Variants in XKR3 observed in about 807,000 individuals in gnomAD.
XKR3 encodes XK related 3, also known as XK-related protein 3.
In XKR3, 27 loss-of-function variants were observed where a neutral mutation model predicts 40.3. The ratio of observed to expected loss-of-function variants is 0.67; its 90% CI spans 0.49 to 0.92. The LOEUF (loss-of-function observed/expected upper bound fraction) is 0.92. XKR3 is among the 40% of genes least tolerant of loss of function. The pLI, the probability that XKR3 is intolerant of heterozygous loss-of-function variation, is 0.00. For missense variants in XKR3, 472 were observed against 537.6 expected, an observed-to-expected ratio of 0.88 and a Z score of 1.21; for synonymous variants, 193 against 195.4, an observed-to-expected ratio of 0.99 and a Z score of 0.10.
intron 1 of XKR3, among the ~76,000 whole-genome samples, chr22:16,812,120 G>A (rs2050790283): frequency 6.6e-6 from 1 of 152,134 alleles, no homozygotes; most frequent in Non-Finnish European, 1.5e-5. Context: ...CCAACTACAT[G>A]GCCACTTCCT....
At chr22:16,787,748 A>G (rs1285785307) in intron 3 of XKR3, among the ~76,000 whole-genome samples, 1 of 152,060 alleles carries the variant, frequency 6.6e-6, no homozygotes, top group Non-Finnish European at 1.5e-5. Context: ...AAACCAACAA[A>G]TATCAAAGAC....
In XKR3 at chr22:16,819,226, T is replaced by C. The variant is rs545031094; in HGVS notation, c.-11+6065A>G. ...TTAATCTTCCCCAGCTTGATCTATA[T>C]ATTTGATGCAATTCCTATCAAAATC... On this transcript the variant is annotated intron_variant, in intron 1 of 3. Coordinates refer to ENST00000684488, the MANE Select transcript of XKR3 (RefSeq NM_001386955.1). Among the ~76,000 whole-genome samples the C allele has an allele frequency of 2.6e-5, 4 of 152,312 alleles. No individual in the cohort carries two copies. In the South Asian group the frequency reaches 8.3e-4, roughly 32 times the overall value.
chr22:16,817,930 A>G (rs932507343), intron 1 of XKR3, among the ~76,000 whole-genome samples: 10 of 152,154 alleles, frequency 6.6e-5, no homozygotes, highest in African/African-American at 2.4e-4. Context: ...TCTGCAGTTG[A>G]AAAAGAACAT....
chr22:16,811,599 T>C (rs967327801), intron 1 of XKR3, among the ~76,000 whole-genome samples: 2 of 152,222 alleles, frequency 1.3e-5, no homozygotes, highest in African/African-American at 2.4e-5. Context: ...TATGTATGTA[T>C]AACATGAACT....
At position 16,783,838 on chromosome 22, in the gene XKR3, T is replaced by A. The variant is rs756351714; in HGVS notation, c.1161A>T (p.Leu387=). 6.2e-7 allele frequency: 1 copy of A among 1,614,166 alleles called. No individual in the cohort carries two copies. Among genetic ancestry groups the A allele is most frequent in the Non-Finnish European group, 8.5e-7 (1 of 1,180,030 alleles). The change falls in exon 4 of 4, where the codon CTA becomes CTT. Residue 387 remains leucine (L), a synonymous_variant. Coordinates refer to ENST00000684488, the MANE Select transcript of XKR3 (RefSeq NM_001386955.1). ...LIAVQLIISY[L]LATGFMLLFY... is the part of the protein sequence containing the mutation. Reference sequence around the variant, plus strand: ...AGAGGAGCATAAAGCCAGTGGCCAATAGGTAGCTTATGATGAGCTGCACGG... The same window carrying A: ...AGAGGAGCATAAAGCCAGTGGCCAAAAGGTAGCTTATGATGAGCTGCACGG...
At chr22:16,822,516 A>G (rs2060261173) in intron 1 of XKR3, among the ~76,000 whole-genome samples, 1 of 152,226 alleles carries the variant, frequency 6.6e-6, no homozygotes, top group African/African-American at 2.4e-5. Flanking sequence ...ACTAAAAGGT[A>G]AAGCCTATAA....
intron 2 of XKR3, among the ~76,000 whole-genome samples, chr22:16,804,733 A>T (rs1191578512): frequency 6.6e-6 from 1 of 152,196 alleles, no homozygotes; most frequent in African/African-American, 2.4e-5. Context: ...AAATTTACCT[A>T]TAGCCTGGAG....
chr22:16,802,605 T>G (rs1263810781), intron 2 of XKR3, among the ~76,000 whole-genome samples: 1 of 152,134 alleles, frequency 6.6e-6, no homozygotes, highest in African/African-American at 2.4e-5. Context: ...TTCTCCTGCC[T>G]CAGCCTCCCA....
chr22:16,812,707 C>T (rs940017876), intron 1 of XKR3, among the ~76,000 whole-genome samples: 1 of 152,024 alleles, frequency 6.6e-6, no homozygotes, highest in African/African-American at 2.4e-5. Context: ...AGTACACACT[C>T]GGTGATTTTC....
intron 2 of XKR3, among the ~76,000 whole-genome samples, chr22:16,802,154 A>G (rs561822706): frequency 2.0e-5 from 3 of 152,174 alleles, no homozygotes; most frequent in Non-Finnish European, 2.9e-5. Context: ...AGCAATTATG[A>G]AATGTATGAT....
chr22:16,805,710 T>G (rs968316300), intron 2 of XKR3, among the ~76,000 whole-genome samples: 1 of 152,200 alleles, frequency 6.6e-6, no homozygotes, highest in African/African-American at 2.4e-5. Flanking sequence ...TTACAAAACA[T>G]TATTCATCAA....
At chr22:16,817,079 A>G (rs746679359) in intron 1 of XKR3, among the ~76,000 whole-genome samples, 1 of 152,058 alleles carries the variant, frequency 6.6e-6, no homozygotes, top group Non-Finnish European at 1.5e-5. Flanking sequence ...TATTCTTACT[A>G]TATTTGTGCT....
intron 3 of XKR3, among the ~76,000 whole-genome samples, chr22:16,789,310 A>T (rs1395357722): frequency 6.6e-6 from 1 of 152,174 alleles, no homozygotes; most frequent in Non-Finnish European, 1.5e-5. Context: ...AAATCAGTCA[A>T]GTTTCAGTTT....
chr22:16,814,646 AC>A, intron 1 of XKR3, among the ~76,000 whole-genome samples: 1 of 152,166 alleles, frequency 6.6e-6, no homozygotes, highest in East Asian at 1.9e-4. Context: ...ATGTCTTTCA[AC>A]AATATTTTAG....
chr22:16,801,369 C>T (rs868273581), intron 2 of XKR3, among the ~76,000 whole-genome samples: 22 of 152,066 alleles, frequency 1.4e-4, no homozygotes, highest in Admixed American at 1.3e-4. Flanking sequence ...CATGGTGAAA[C>T]GCTATCTCAC....
At chr22:16,793,199 G>A (rs2060127591) in intron 3 of XKR3, among the ~76,000 whole-genome samples, 3 of 152,026 alleles carry the variant, frequency 2.0e-5, no homozygotes, top group African/African-American at 4.8e-5. Context: ...TTTAGTAGAG[G>A]CAAGGTTTCT....
intron 3 of XKR3, among the ~76,000 whole-genome samples, chr22:16,798,203 CA>C (rs2060151101): frequency 6.9e-6 from 1 of 145,722 alleles, no homozygotes; most frequent in South Asian, 2.2e-4. Flanking sequence ...ACAACAACAA[CA>C]AAAACCCCCA....
intron 3 of XKR3, among the ~76,000 whole-genome samples, chr22:16,797,736 T>C (rs2060148007): frequency 1.4e-5 from 2 of 145,884 alleles, no homozygotes; most frequent in South Asian, 4.3e-4. Flanking sequence ...GAACTTGCAG[T>C]GAGCCGAGAT....
intron 3 of XKR3, among the ~76,000 whole-genome samples, chr22:16,791,912 T>C (rs1391643380): frequency 6.5e-5 from 2 of 30,746 alleles, no homozygotes; most frequent in Non-Finnish European, 1.2e-4. Flanking sequence ...ATTTTCTTTT[T>C]GTTTTTTTTT....
Sources: gnomAD v4.1 joint callset for allele counts (sites outside exome capture counted in the v4.1 genomes callset) on GRCh38, gnomAD v4.1.1 for gene constraint, MANE v1.5 for transcripts, NCBI Gene and HGNC (gene_info 2026-07-23, HGNC 2026-07-21) for gene names.